Variants in CENPP observed in about 807,000 individuals in gnomAD.
CENPP encodes the protein centromere protein P.
A neutral mutation model predicts 35.6 loss-of-function variants in CENPP; 24 were observed. The observed-to-expected ratio is 0.67, with a 90% CI of 0.49 to 0.95. The LOEUF (loss-of-function observed/expected upper bound fraction) is 0.95. Ranked by LOEUF, CENPP falls within the 40% of genes least tolerant of loss-of-function variation. CENPP has a pLI of 0.00. For synonymous variants in CENPP, 120 were observed against 125.5 expected (o/e 0.96, Z 0.29); for missense variants, 332 against 345.3 (o/e 0.96, Z 0.31).
intron 5 of CENPP, among the ~76,000 whole-genome samples, chr9:92,394,346 G>A (rs1008715072): frequency 1.7e-4 from 26 of 151,714 alleles, no homozygotes; most frequent in South Asian, 4.2e-4. Context: ...CATTTCAAGC[G>A]ATTCTTCTGC....
At chr9:92,344,916 C>G (rs113065620) in intron 3 of CENPP, among the ~76,000 whole-genome samples, 4,675 of 150,030 alleles carry the variant, frequency 0.031, 256 homozygotes, top group African/African-American at 0.11. Flanking sequence ...CGCCTGTAAT[C>G]CCAGCACTTC....
chr9:92,600,430 T>C (rs774996550), intron 5 of CENPP: 1 of 1,612,620 alleles, frequency 6.2e-7, no homozygotes, highest in Admixed American at 1.7e-5. Context: ...TCTTCCCAAG[T>C]CTGTACAAAC....
At position 92,571,480 on chromosome 9, in the gene CENPP, T is replaced by G. The variant is rs1274498328; in HGVS notation, c.565-39834T>G. Among the ~76,000 whole-genome samples, 8 of 152,226 alleles carry G rather than the reference T, an allele frequency of 5.3e-5. No homozygotes were observed. The South Asian group carries it at 6.2e-4, about 12-fold the overall frequency. On this transcript the variant is annotated intron_variant, in intron 5 of 7. Coordinates refer to ENST00000375587, the MANE Select transcript of CENPP (RefSeq NM_001012267.3). Reference sequence around the variant, plus strand: ...TAATTTCTGTTCTTTTACATTTGCTTAGGAGTGCTTTACTTCCAACTATGT... The same window carrying G: ...TAATTTCTGTTCTTTTACATTTGCTGAGGAGTGCTTTACTTCCAACTATGT...
At chr9:92,434,088 A>T (rs1318177602) in intron 5 of CENPP, among the ~76,000 whole-genome samples, 1 of 152,098 alleles carries the variant, frequency 6.6e-6, no homozygotes, top group African/African-American at 2.4e-5. Flanking sequence ...TTATTTCTAT[A>T]TACTAGAATG....
intron 5 of CENPP, chr9:92,414,725 A>G (rs1050241257): frequency 4.6e-6 from 1 of 215,282 alleles, no homozygotes; most frequent in African/African-American, 2.3e-5. Context: ...TGCTTGTTAC[A>G]TTAATATACC....
intron 5 of CENPP, among the ~76,000 whole-genome samples, chr9:92,533,310 A>C (rs1219801019): frequency 2.3e-4 from 19 of 81,920 alleles, no homozygotes; most frequent in South Asian, 5.1e-4. Flanking sequence ...AAACAAAAAA[A>C]AAAAAAAAAA....
chr9:92,452,310 G>C (rs1253201007), intron 5 of CENPP, among the ~76,000 whole-genome samples: 72 of 150,360 alleles, frequency 4.8e-4, no homozygotes, highest in African/African-American at 1.4e-3. Flanking sequence ...TAGCATGAAG[G>C]GTTGTTGAAT....
Position 92,582,946 on chromosome 9 carries a change from C to T in CENPP, c.565-28368C>T, listed in dbSNP as rs553810158. ...GTCTTGTGTTCTCTTAGCCTCACCA[C>T]TTTCTGTAAGTCTACTTTACTCTCC... On this transcript the variant is annotated intron_variant, in intron 5 of 7. Transcript: ENST00000375587. Among the ~76,000 whole-genome samples, 3 of 152,288 alleles carry T rather than the reference C, an allele frequency of 2.0e-5. No homozygotes were observed. The East Asian group carries it at 5.8e-4, about 29-fold the overall frequency.
chr9:92,606,595 T>C (rs553278915), intron 5 of CENPP, among the ~76,000 whole-genome samples: 5 of 152,296 alleles, frequency 3.3e-5, no homozygotes, highest in South Asian at 2.1e-4. Context: ...ACAGTAATGC[T>C]ATGAGCATTA....
chr9:92,596,514 T>C (rs1274720466), intron 5 of CENPP, among the ~76,000 whole-genome samples: 2 of 148,490 alleles, frequency 1.3e-5, no homozygotes, highest in African/African-American at 5.0e-5. Flanking sequence ...CAATACAATA[T>C]TGGAAGCTAG....
chr9:92,533,968 T>C (rs1007859486), intron 5 of CENPP, among the ~76,000 whole-genome samples: 1 of 152,170 alleles, frequency 6.6e-6, no homozygotes, highest in African/African-American at 2.4e-5. Flanking sequence ...AGTTTTACCT[T>C]GGTAAAAGAA....
At chr9:92,381,420 G>T (rs1274678355) in intron 5 of CENPP, among the ~76,000 whole-genome samples, 1 of 151,878 alleles carries the variant, frequency 6.6e-6, no homozygotes, top group African/African-American at 2.4e-5. Flanking sequence ...AAGTAGCTGG[G>T]ACTACAGGCA....
intron 5 of CENPP, among the ~76,000 whole-genome samples, chr9:92,533,095 G>C (rs994204230): frequency 3.3e-5 from 5 of 151,200 alleles, no homozygotes; most frequent in African/African-American, 1.2e-4. Flanking sequence ...TCAGGAGTTT[G>C]AGACCAGCCT....
At chr9:92,392,212 C>T (rs1842713423) in intron 5 of CENPP, among the ~76,000 whole-genome samples, 1 of 152,104 alleles carries the variant, frequency 6.6e-6, no homozygotes, top group Non-Finnish European at 1.5e-5. Context: ...CTGTTCTCAA[C>T]AGTATTTCCA....
intron 5 of CENPP, among the ~76,000 whole-genome samples, chr9:92,398,011 T>G (rs576862778): frequency 6.6e-6 from 1 of 152,344 alleles, no homozygotes; most frequent in South Asian, 2.1e-4. Context: ...ATTTGTAATG[T>G]TTCTCTGACA....
At chr9:92,450,087 CT>C (rs1844662963) in intron 5 of CENPP, among the ~76,000 whole-genome samples, 1 of 151,680 alleles carries the variant, frequency 6.6e-6, no homozygotes, top group Non-Finnish European at 1.5e-5. Context: ...GCAATTCTTT[CT>C]TTTTATTATT....
At chr9:92,378,286 G>A (rs1184016166) in intron 4 of CENPP, among the ~76,000 whole-genome samples, 1 of 152,128 alleles carries the variant, frequency 6.6e-6, no homozygotes, top group African/African-American at 2.4e-5. Context: ...TGGCATTGGG[G>A]TTCCCTTCTG....
At chr9:92,474,554 CTT>C in intron 5 of CENPP, 1 of 1,529,706 alleles carries the variant, frequency 6.5e-7, no homozygotes, top group Non-Finnish European at 8.7e-7. Context: ...TTCAATGAGA[CTT>C]TTTCCATCCT....
chr9:92,561,096 AC>A (rs1486203943), intron 5 of CENPP, among the ~76,000 whole-genome samples: 12 of 151,824 alleles, frequency 7.9e-5, no homozygotes, highest in Non-Finnish European at 1.8e-4. Context: ...ATAAATTAGC[AC>A]CTCCATTAAT....
Sources: allele counts gnomAD v4.1 joint callset (sites outside exome capture counted in the v4.1 genomes callset), GRCh38; gene constraint gnomAD v4.1.1; transcripts MANE v1.5; gene names NCBI Gene and HGNC (gene_info 2026-07-23, HGNC 2026-07-21).